The following SGPP1 variants were observed in gnomAD, a reference collection of about 807,000 sequenced individuals.
SGPP1 encodes sphingosine-1-phosphate phosphatase 1.
SGPP1 carries 21 observed loss-of-function variants against 33.0 expected under a neutral mutation model. That is an observed-to-expected ratio of 0.64 (90% CI 0.45 to 0.92). The LOEUF is 0.92. Among genes scored for constraint, SGPP1 ranks in the 40% least tolerant of loss-of-function variants. SGPP1 has a pLI of 0.00. For synonymous variants in SGPP1, 239 were observed against 241.2 expected, an observed-to-expected ratio of 0.99 and a Z score of 0.08; for missense variants, 543 against 589.4, an observed-to-expected ratio of 0.92 and a Z score of 0.81.
At chr14:63,711,402 T>C (rs956112694) in intron 1 of SGPP1, among the ~76,000 whole-genome samples, 4 of 152,284 alleles carry the variant, frequency 2.6e-5, no homozygotes, top group African/African-American at 9.6e-5. Flanking sequence ...ACAGAACCAA[T>C]AGGATATGTA....
chr14:63,713,303 G>A (rs1244576570), intron 1 of SGPP1, among the ~76,000 whole-genome samples: 1 of 152,078 alleles, frequency 6.6e-6, no homozygotes. Flanking sequence ...GGAAACCTCA[G>A]AACAATACTT....
chr14:63,707,048 A>G (rs1321586021), intron 1 of SGPP1, among the ~76,000 whole-genome samples: 1 of 151,360 alleles, frequency 6.6e-6, no homozygotes, highest in Non-Finnish European at 1.5e-5. Flanking sequence ...CCCAAAAAAA[A>G]AAAAAAAAAA....
chr14:63,721,968 T>G (rs571678327), intron 1 of SGPP1, among the ~76,000 whole-genome samples: 1 of 152,296 alleles, frequency 6.6e-6, no homozygotes, highest in South Asian at 2.1e-4. Flanking sequence ...ATTTCAAAAA[T>G]AATATTACTG....
intron 1 of SGPP1, among the ~76,000 whole-genome samples, chr14:63,711,245 C>T (rs1885516440): frequency 6.6e-6 from 1 of 152,052 alleles, no homozygotes; most frequent in Admixed American, 6.6e-5. Context: ...GAACTCCTGA[C>T]CTCAGGTGAT....
chr14:63,720,127 A>AC (rs1491181935), intron 1 of SGPP1, among the ~76,000 whole-genome samples: 5 of 108,234 alleles, frequency 4.6e-5, no homozygotes, highest in African/African-American at 3.0e-4. Context: ...TGCATCTCAC[A>AC]AAAAAAAAAA....
chr14:63,704,726 A>G (rs1031648444), intron 1 of SGPP1, among the ~76,000 whole-genome samples: 2 of 152,200 alleles, frequency 1.3e-5, no homozygotes, highest in Non-Finnish European at 2.9e-5. Context: ...AAAAGAAAAC[A>G]CAGGGATAAA....
At chr14:63,725,851 C>T (rs1275730569) in intron 1 of SGPP1, among the ~76,000 whole-genome samples, 5 of 152,124 alleles carry the variant, frequency 3.3e-5, no homozygotes, top group African/African-American at 9.7e-5. Context: ...AAAAGTCTCA[C>T]GAAAATAAGA....
chr14:63,701,158 T>C (rs1450044108), intron 1 of SGPP1, among the ~76,000 whole-genome samples: 1 of 151,988 alleles, frequency 6.6e-6, no homozygotes, highest in Non-Finnish European at 1.5e-5. Context: ...TTTTAAAAAA[T>C]ATTTTGCAGA....
chr14:63,696,862 T>A (rs1885197195), intron 2 of SGPP1, among the ~76,000 whole-genome samples: 1 of 152,110 alleles, frequency 6.6e-6, no homozygotes, highest in Non-Finnish European at 1.5e-5. Context: ...GGTACATGTC[T>A]GTAATCCCAG....
At chr14:63,723,695 G>C (rs1285323986) in intron 1 of SGPP1, among the ~76,000 whole-genome samples, 1 of 151,348 alleles carries the variant, frequency 6.6e-6, no homozygotes, top group East Asian at 1.9e-4. Flanking sequence ...CTCCAGCCTG[G>C]GTGACAAAGA....
At chr14:63,689,199 C>A (rs1480127688) in intron 2 of SGPP1, among the ~76,000 whole-genome samples, 1 of 152,128 alleles carries the variant, frequency 6.6e-6, no homozygotes, top group Non-Finnish European at 1.5e-5. Context: ...TATAATATTA[C>A]AAGAATTGTC....
intron 2 of SGPP1, among the ~76,000 whole-genome samples, chr14:63,695,869 C>T (rs1194725694): frequency 6.6e-6 from 1 of 152,154 alleles, no homozygotes; most frequent in African/African-American, 2.4e-5. Flanking sequence ...TATGTTTGCA[C>T]CATCACACTC....
chr14:63,711,421 T>C (rs772909853), intron 1 of SGPP1, among the ~76,000 whole-genome samples: 19 of 152,160 alleles, frequency 1.2e-4, no homozygotes, highest in Admixed American at 2.6e-4. Context: ...TATATCTACA[T>C]ATACAAAGAA....
intron 2 of SGPP1, among the ~76,000 whole-genome samples, chr14:63,687,316 C>T (rs1186851525): frequency 6.6e-6 from 1 of 152,084 alleles, no homozygotes; most frequent in Non-Finnish European, 1.5e-5. Flanking sequence ...TGGCTCCAGC[C>T]TGTGATCCCA....
chr14:63,693,899 G>GGTATTTTTTTAAATTAT (rs1885135810), intron 2 of SGPP1, among the ~76,000 whole-genome samples: 1 of 152,136 alleles, frequency 6.6e-6, no homozygotes, highest in Non-Finnish European at 1.5e-5. Context: ...TGCCCAGCCA[G>GGTATTTTTTTAAATTAT]GTATTTTTTT....
chr14:63,688,429 T>C (rs1885028492), intron 2 of SGPP1, among the ~76,000 whole-genome samples: 1 of 151,970 alleles, frequency 6.6e-6, no homozygotes, highest in African/African-American at 2.4e-5. Context: ...AGACGGTTCC[T>C]AGTTTTAGGT....
At chr14:63,715,564 G>A (rs1885606396) in intron 1 of SGPP1, among the ~76,000 whole-genome samples, 2 of 152,072 alleles carry the variant, frequency 1.3e-5, no homozygotes. Context: ...CCCTGTGATT[G>A]CATTATCCTG....
chr14:63,695,943 T>G (rs1361258443), intron 2 of SGPP1, among the ~76,000 whole-genome samples: 1 of 151,806 alleles, frequency 6.6e-6, no homozygotes, highest in Admixed American at 6.6e-5. Flanking sequence ...AGAACAGATG[T>G]TGTCCATCCT....
At chr14:63,709,168 A>G (rs758538834) in intron 1 of SGPP1, among the ~76,000 whole-genome samples, 1 of 152,142 alleles carries the variant, frequency 6.6e-6, no homozygotes, top group Non-Finnish European at 1.5e-5. Flanking sequence ...TGAGGTCAGG[A>G]GTTCGTGACG....
Sources: allele counts gnomAD v4.1 joint callset (sites outside exome capture counted in the v4.1 genomes callset), GRCh38; gene constraint gnomAD v4.1.1; transcripts MANE v1.5; gene names NCBI Gene and HGNC (gene_info 2026-07-23, HGNC 2026-07-21).